The following ATP6V1H variants were observed in gnomAD, a reference collection of about 807,000 sequenced individuals.
The protein encoded by ATP6V1H is V-type proton ATPase subunit H.
A neutral mutation model predicts 71.7 loss-of-function variants in ATP6V1H; 39 were observed. The observed-to-expected ratio is 0.54, with a 90% CI of 0.42 to 0.71. The LOEUF is 0.71. Ranked by LOEUF, ATP6V1H falls within the 30% of genes least tolerant of loss-of-function variation. The pLI is 0.00. For missense variants in ATP6V1H, 509 were observed against 594.9 expected, an observed-to-expected ratio of 0.86 and a Z score of 1.50; for synonymous variants, 192 against 199.3, an observed-to-expected ratio of 0.96 and a Z score of 0.31.
chr8:53,720,340 G>C (rs1322772313), intron 13 of ATP6V1H, among the ~76,000 whole-genome samples: 1 of 152,172 alleles, frequency 6.6e-6, no homozygotes, highest in Non-Finnish European at 1.5e-5. Context: ...GCTCACAAAA[G>C]AGATCATACT....
intron 8 of ATP6V1H, among the ~76,000 whole-genome samples, chr8:53,797,564 C>T (rs1658882271): frequency 6.6e-6 from 1 of 152,094 alleles, no homozygotes; most frequent in Admixed American, 6.6e-5. Context: ...GTACTCAGCC[C>T]CTCCTCCAAG....
chr8:53,731,432 A>C (rs1807019190), intron 13 of ATP6V1H, among the ~76,000 whole-genome samples: 1 of 152,200 alleles, frequency 6.6e-6, no homozygotes, highest in Non-Finnish European at 1.5e-5. Flanking sequence ...TCAACCCCTG[A>C]CCTAACCACT....
intron 13 of ATP6V1H, among the ~76,000 whole-genome samples, chr8:53,731,135 C>G (rs1446830308): frequency 6.6e-6 from 1 of 152,156 alleles, no homozygotes; most frequent in African/African-American, 2.4e-5. Flanking sequence ...AGCAGGCTCA[C>G]AGGGTGCCTT....
chr8:53,726,034 C>T (rs1554553380), intron 13 of ATP6V1H, among the ~76,000 whole-genome samples: 1 of 151,918 alleles, frequency 6.6e-6, no homozygotes, highest in South Asian at 2.1e-4. Context: ...ACAACTTATA[C>T]TCAAAACCAT....
At chr8:53,740,852 T>C (rs1807382737) in intron 13 of ATP6V1H, among the ~76,000 whole-genome samples, 1 of 152,212 alleles carries the variant, frequency 6.6e-6, no homozygotes, top group Non-Finnish European at 1.5e-5. Context: ...TAATAAATTA[T>C]TACTTGAGCA....
intron 8 of ATP6V1H, among the ~76,000 whole-genome samples, chr8:53,799,565 G>C (rs1042146146): frequency 1.3e-5 from 2 of 152,186 alleles, no homozygotes; most frequent in African/African-American, 4.8e-5. Context: ...TGGGAATTTG[G>C]CTGGTAAAGT....
At chr8:53,839,995 G>T (rs1585845241) in intron 2 of ATP6V1H, 9 of 870,688 alleles carry the variant, frequency 1.0e-5, no homozygotes, top group Admixed American at 6.2e-5. Flanking sequence ...CTCCCACCCA[G>T]TGTGCTGTTT....
chr8:53,735,196 T>C (rs1467966195), intron 13 of ATP6V1H, among the ~76,000 whole-genome samples: 1 of 151,974 alleles, frequency 6.6e-6, no homozygotes, highest in African/African-American at 2.4e-5. Flanking sequence ...TAACAAGTAT[T>C]TACTAGTTCT....
intron 11 of ATP6V1H, among the ~76,000 whole-genome samples, chr8:53,757,687 T>C (rs746884035): frequency 6.6e-6 from 1 of 152,136 alleles, no homozygotes; most frequent in Non-Finnish European, 1.5e-5. Context: ...CTGAACCCAC[T>C]AGTACACTGA....
intron 2 of ATP6V1H, among the ~76,000 whole-genome samples, chr8:53,836,287 G>T (rs1160772475): frequency 1.3e-5 from 2 of 152,134 alleles, no homozygotes; most frequent in Admixed American, 1.3e-4. Context: ...CATGTCAAAA[G>T]GTGGTGGTTT....
intron 9 of ATP6V1H, among the ~76,000 whole-genome samples, chr8:53,793,185 C>T (rs1464354263): frequency 2.6e-5 from 4 of 152,010 alleles, no homozygotes; most frequent in South Asian, 2.1e-4. Flanking sequence ...TCATTATTAA[C>T]GGAATGCAAA....
intron 11 of ATP6V1H, among the ~76,000 whole-genome samples, chr8:53,763,323 AAAC>A (rs570427603): frequency 1.3e-3 from 194 of 152,376 alleles, no homozygotes; most frequent in Non-Finnish European, 2.4e-3. Context: ...AAAAAGAAGA[AAAC>A]AACTTCATTT....
chr8:53,788,655 C>T (rs1809460565), intron 9 of ATP6V1H, among the ~76,000 whole-genome samples: 1 of 152,166 alleles, frequency 6.6e-6, no homozygotes, highest in Admixed American at 6.5e-5. Context: ...CCACCTTTCA[C>T]CATAAAGAAA....
chr8:53,723,947 AC>A (rs918947297), intron 13 of ATP6V1H, among the ~76,000 whole-genome samples: 1 of 152,134 alleles, frequency 6.6e-6, no homozygotes, highest in African/African-American at 2.4e-5. Flanking sequence ...ACTATCACCA[AC>A]CCCCTCTGTC....
At chr8:53,763,134 A>G (rs1405345923) in intron 11 of ATP6V1H, among the ~76,000 whole-genome samples, 1 of 152,202 alleles carries the variant, frequency 6.6e-6, no homozygotes, top group Admixed American at 6.6e-5. Flanking sequence ...GTTTTGGGGA[A>G]GCTAAAAGTT....
intron 3 of ATP6V1H, among the ~76,000 whole-genome samples, chr8:53,831,292 TGGCTCC>T (rs1810997659): frequency 6.6e-6 from 1 of 152,228 alleles, no homozygotes; most frequent in Non-Finnish European, 1.5e-5. Context: ...GTAGAACCTA[TGGCTCC>T]ACACCTGTAC....
chr8:53,734,686 A>AG (rs1438528117), intron 13 of ATP6V1H, among the ~76,000 whole-genome samples: 1 of 152,224 alleles, frequency 6.6e-6, no homozygotes, highest in Non-Finnish European at 1.5e-5. Context: ...CATGCACTGC[A>AG]GGGAACACCA....
intron 13 of ATP6V1H, among the ~76,000 whole-genome samples, chr8:53,722,134 A>T (rs1489407112): frequency 1.3e-5 from 2 of 152,240 alleles, no homozygotes; most frequent in South Asian, 4.1e-4. Flanking sequence ...AAATGCCACT[A>T]AACAAAGTGT....
At chr8:53,736,623 A>G (rs1807212602) in intron 13 of ATP6V1H, among the ~76,000 whole-genome samples, 1 of 152,220 alleles carries the variant, frequency 6.6e-6, no homozygotes, top group Admixed American at 6.5e-5. Context: ...CCTTCAAATA[A>G]TAAAAAGTTT....
Sources: allele counts gnomAD v4.1 joint callset (sites outside exome capture counted in the v4.1 genomes callset), GRCh38; gene constraint gnomAD v4.1.1; transcripts MANE v1.5; gene names NCBI Gene and HGNC (gene_info 2026-07-23, HGNC 2026-07-21).